CFAP299: variants seen among roughly 807,000 people sequenced by gnomAD.
CFAP299 encodes the protein cilia and flagella associated protein 299.
CFAP299 carries 21 observed loss-of-function variants against 27.0 expected under a neutral mutation model. That is an observed-to-expected ratio of 0.78 (90% confidence interval 0.55 to 1.12). The LOEUF is 1.12. Among genes scored for constraint, CFAP299 ranks in the 50% most tolerant of loss-of-function variants. The pLI, the probability that CFAP299 is intolerant of heterozygous loss-of-function variation, is 0.00. For missense variants in CFAP299, 310 were observed against 276.6 expected (o/e 1.12, Z -0.86); for synonymous variants, 104 against 98.1 (o/e 1.06, Z -0.36).
intron 2 of CFAP299, among the ~76,000 whole-genome samples, chr4:80,471,334 C>T (rs570189155): frequency 2.0e-5 from 3 of 151,702 alleles, no homozygotes; most frequent in African/African-American, 7.3e-5. Flanking sequence ...AAATGTTTTC[C>T]AAACCCAACC....
chr4:80,609,202 T>C (rs1737838171), intron 3 of CFAP299, among the ~76,000 whole-genome samples: 1 of 152,068 alleles, frequency 6.6e-6, no homozygotes, highest in African/African-American at 2.4e-5. Flanking sequence ...ATATGTTGGG[T>C]TAAATAATGT....
chr4:80,847,543 C>T (rs1731254401), intron 3 of CFAP299, among the ~76,000 whole-genome samples: 1 of 152,136 alleles, frequency 6.6e-6, no homozygotes, highest in Non-Finnish European at 1.5e-5. Context: ...TCTATTAGTT[C>T]CTGTGTAAAC....
chr4:80,832,235 G>C (rs1578165386), intron 3 of CFAP299, among the ~76,000 whole-genome samples: 1 of 152,116 alleles, frequency 6.6e-6, no homozygotes, highest in African/African-American at 2.4e-5. Flanking sequence ...ACTCCAGAGG[G>C]TAACATCCAT....
chr4:80,751,285 CTCAG>C (rs1227309870), intron 3 of CFAP299, among the ~76,000 whole-genome samples: 2 of 152,120 alleles, frequency 1.3e-5, no homozygotes, highest in Non-Finnish European at 2.9e-5. Flanking sequence ...ATTGGGAGGT[CTCAG>C]TCAGGAGGAA....
intron 1 of CFAP299, among the ~76,000 whole-genome samples, chr4:80,356,853 C>A (rs537548904): frequency 6.6e-6 from 1 of 152,134 alleles, no homozygotes; most frequent in South Asian, 2.1e-4. Flanking sequence ...GTTGCCCTGG[C>A]CAGAACTTCC....
At chr4:80,464,642 A>G (rs1284282969) in intron 2 of CFAP299, among the ~76,000 whole-genome samples, 1 of 152,134 alleles carries the variant, frequency 6.6e-6, no homozygotes, top group Non-Finnish European at 1.5e-5. Context: ...CCATTTGTAG[A>G]TAAAGTTAGT....
intron 3 of CFAP299, among the ~76,000 whole-genome samples, chr4:80,815,942 A>G (rs1351487484): frequency 6.6e-6 from 1 of 152,020 alleles, no homozygotes; most frequent in Non-Finnish European, 1.5e-5. Flanking sequence ...AAATATTTTT[A>G]CAATACTTGT....
chr4:80,471,994 GAGTCGTA>G (rs1399547612), intron 2 of CFAP299, among the ~76,000 whole-genome samples: 36 of 152,268 alleles, frequency 2.4e-4, no homozygotes, highest in African/African-American at 8.7e-4. Flanking sequence ...GTTGACTTAG[GAGTCGTA>G]AGCTTGGAAT....
At chr4:80,695,150 C>T (rs1289946959) in intron 3 of CFAP299, among the ~76,000 whole-genome samples, 1 of 152,050 alleles carries the variant, frequency 6.6e-6, no homozygotes, top group African/African-American at 2.4e-5. Flanking sequence ...TATAGTATTT[C>T]TATATTAAGT....
At chr4:80,832,793 T>G (rs1000722666) in intron 3 of CFAP299, among the ~76,000 whole-genome samples, 1 of 152,176 alleles carries the variant, frequency 6.6e-6, no homozygotes, top group Non-Finnish European at 1.5e-5. Flanking sequence ...TACAAGTTTT[T>G]ATCAAATAGA....
chr4:80,866,977 A>G (rs1325508874), intron 3 of CFAP299, among the ~76,000 whole-genome samples: 1 of 152,182 alleles, frequency 6.6e-6, no homozygotes, highest in Non-Finnish European at 1.5e-5. Flanking sequence ...CCAAGACTTC[A>G]CGTTTGTTTT....
chr4:80,335,846 G>T lies in CFAP299; in HGVS notation c.78G>T (p.Ser26=), dbSNP rs143357955. Residue 26 remains serine, a synonymous_variant, in exon 1 of 6, where the codon TCG becomes TCT. Coordinates refer to ENST00000358105, the MANE Select transcript of CFAP299 (RefSeq NM_152770.3). ...ACGCCTATGAAGATTTCCTGGACTC[G>T]CAGATCACTACTGTGGACTTGTACT... ...QFNAYEDFLD[S]QITTVDLYYL... 3.7e-5 allele frequency: 60 copies of T among 1,612,876 alleles called. No homozygotes were observed. The African/African-American group carries it at 6.8e-4, about 18-fold the overall frequency.
chr4:80,823,121 C>T (rs1054685649), intron 3 of CFAP299, among the ~76,000 whole-genome samples: 3 of 152,128 alleles, frequency 2.0e-5, no homozygotes, highest in African/African-American at 4.8e-5. Context: ...ACCTACTTAG[C>T]ACCTCCTATC....
Position 80,415,704 on chromosome 4 carries a change from A to G in CFAP299, c.242+52820A>G, listed in dbSNP as rs190419230. ...CAAACCTCAGAAATAGATATTTATG[A>G]ATTAATTTTTAGTAAAAACAAACTA... On this transcript the variant is annotated intron_variant, in intron 2 of 5. Coordinates refer to ENST00000358105, the MANE Select transcript of CFAP299 (RefSeq NM_152770.3). Among the ~76,000 whole-genome samples the G allele has an allele frequency of 7.2e-5, 11 of 152,296 alleles. 1 individual carries two copies. In the East Asian group the frequency reaches 2.1e-3, roughly 29 times the overall value.
chr4:80,867,915 T>C (rs1732840597), intron 3 of CFAP299, among the ~76,000 whole-genome samples: 1 of 152,220 alleles, frequency 6.6e-6, no homozygotes, highest in African/African-American at 2.4e-5. Context: ...AATTTTCCTT[T>C]TCATTATTGC....
At chr4:80,622,270 C>A (rs138222087) in intron 3 of CFAP299, among the ~76,000 whole-genome samples, 1 of 152,052 alleles carries the variant, frequency 6.6e-6, no homozygotes, top group African/African-American at 2.4e-5. Context: ...AAGTGAAGGG[C>A]GATTGCACTG....
intron 3 of CFAP299, among the ~76,000 whole-genome samples, chr4:80,735,177 A>T (rs1723779786): frequency 6.6e-6 from 1 of 152,024 alleles, no homozygotes; most frequent in Non-Finnish European, 1.5e-5. Flanking sequence ...TATTTGGTTA[A>T]TTCCTAAGTA....
intron 2 of CFAP299, among the ~76,000 whole-genome samples, chr4:80,426,992 G>A (rs1727560455): frequency 6.6e-6 from 1 of 151,998 alleles, no homozygotes; most frequent in Non-Finnish European, 1.5e-5. Context: ...TAGATCTATA[G>A]GCTTATGTCC....
rs181796912 is a variant in CFAP299, at chr4:80,809,310, C to T, written c.334-60683C>T. On this transcript the variant is annotated intron_variant, in intron 3 of 5. Transcript: ENST00000358105. ...GATAGCGTATTATAGCTAAATCCTT[C>T]GGGTGGGAACAGGAGAATTGCATTG... Among the ~76,000 whole-genome samples the T allele has an allele frequency of 3.8e-3, 582 of 152,174 alleles. 1 individual carries two copies. The highest frequency in any genetic ancestry group is 0.01 in the Middle Eastern group (3 of 294).
Sources: gnomAD v4.1 joint callset for allele counts (sites outside exome capture counted in the v4.1 genomes callset) on GRCh38, gnomAD v4.1.1 for gene constraint, MANE v1.5 for transcripts, NCBI Gene and HGNC (gene_info 2026-07-23, HGNC 2026-07-21) for gene names.